The following CAMTA1 variants were observed in gnomAD, a reference collection of about 807,000 sequenced individuals.
CAMTA1 encodes the protein calmodulin-binding transcription activator 1.
In CAMTA1, 27 loss-of-function variants were observed where a neutral mutation model predicts 170.9. The observed-to-expected ratio is 0.16, with a 90% CI of 0.12 to 0.22. The LOEUF (loss-of-function observed/expected upper bound fraction) is 0.22, where lower values mean the gene tolerates loss of function less well. Ranked by LOEUF, CAMTA1 falls within the 10% of genes least tolerant of loss-of-function variation. The pLI, the probability that CAMTA1 is intolerant of heterozygous loss-of-function variation, is 1.00. For missense variants in CAMTA1, 1,619 were observed against 2,217.2 expected (o/e 0.73, Z 5.42); for synonymous variants, 833 against 891.5 (o/e 0.93, Z 1.17).
At chr1:7,543,060 G>T (rs1044045078) in intron 6 of CAMTA1, among the ~76,000 whole-genome samples, 1 of 151,970 alleles carries the variant, frequency 6.6e-6, no homozygotes, top group African/African-American at 2.4e-5. Context: ...GTGGAGACAG[G>T]GTTTCACCGT....
At chr1:6,980,743 C>T (rs11120802) in intron 3 of CAMTA1, among the ~76,000 whole-genome samples, 21,221 of 152,190 alleles carry the variant, frequency 0.14, 1,589 homozygotes, top group Non-Finnish European at 0.18. Context: ...TGCCACCATG[C>T]GAGATGTGAC....
chr1:6,830,043 A>ATT, intron 3 of CAMTA1, among the ~76,000 whole-genome samples: 1 of 141,336 alleles, frequency 7.1e-6, no homozygotes, highest in African/African-American at 2.6e-5. Context: ...TTTATTTTTT[A>ATT]TTTTTTTTTT....
intron 3 of CAMTA1, among the ~76,000 whole-genome samples, chr1:6,836,611 G>A (rs540373378): frequency 6.5e-4 from 99 of 152,256 alleles, no homozygotes; most frequent in Non-Finnish European, 1.1e-3. Flanking sequence ...GTGCATGTGC[G>A]CGTATGTGCA....
In CAMTA1 at chr1:7,266,985, C is replaced by A. The variant is rs140976255; in HGVS notation, c.438+17359C>A. On this transcript the variant is annotated intron_variant, in intron 5 of 22. Coordinates refer to ENST00000303635, the MANE Select transcript of CAMTA1 (RefSeq NM_015215.4). ...TGTCATGAGAAGCCACTGATGGGATCGTAGCAGGGGTCTGGAAGGCAGTGG... is the reference window on the plus strand; with the variant it reads ...TGTCATGAGAAGCCACTGATGGGATAGTAGCAGGGGTCTGGAAGGCAGTGG... 2.2e-3 allele frequency among the ~76,000 whole-genome samples: 339 copies of A among 152,254 alleles called. 2 individuals carry two copies. The highest frequency in any genetic ancestry group is 7.7e-3 in the African/African-American group (320 of 41,566).
chr1:7,292,099 T>C (rs1673220330), intron 5 of CAMTA1, among the ~76,000 whole-genome samples: 1 of 152,174 alleles, frequency 6.6e-6, no homozygotes, highest in African/African-American at 2.4e-5. Flanking sequence ...AATCCATTTA[T>C]AGAAACCAAA....
chr1:7,699,231 T>C (rs1216117460), intron 11 of CAMTA1, among the ~76,000 whole-genome samples: 1 of 152,034 alleles, frequency 6.6e-6, no homozygotes, highest in African/African-American at 2.4e-5. Context: ...AACATTTTCA[T>C]CCCCCAAGAA....
At chr1:7,404,727 G>A (rs1004072210) in intron 5 of CAMTA1, among the ~76,000 whole-genome samples, 11 of 152,236 alleles carry the variant, frequency 7.2e-5, no homozygotes, top group South Asian at 2.1e-4. Context: ...CACCAGAGCC[G>A]CCTACGGGAA....
At chr1:7,654,216 A>C (rs2149057124) in intron 7 of CAMTA1, among the ~76,000 whole-genome samples, 1 of 151,842 alleles carries the variant, frequency 6.6e-6, no homozygotes, top group African/African-American at 2.4e-5. Flanking sequence ...CCCTGTCTCT[A>C]CTAAAAATAC....
In CAMTA1 at chr1:6,910,511, C is replaced by A. The variant is rs546722403; in HGVS notation, c.234+85301C>A. 7.2e-5 allele frequency among the ~76,000 whole-genome samples: 11 copies of A among 152,198 alleles called. No individual in the cohort carries two copies. In the South Asian group the frequency reaches 2.3e-3, roughly 32 times the overall value. ...GGCTCAGCTCATTTTTTGAGGGGAG[C>A]AGGGTGGGGAGGGAAATGCTGGTCT... On this transcript the variant is annotated intron_variant, in intron 3 of 22. Transcript: ENST00000303635.
chr1:7,291,597 T>C (rs902636531), intron 5 of CAMTA1, among the ~76,000 whole-genome samples: 1 of 152,274 alleles, frequency 6.6e-6, no homozygotes, highest in Admixed American at 6.5e-5. Context: ...CTCTGGGTGT[T>C]GCTTCAGCTG....
intron 6 of CAMTA1, among the ~76,000 whole-genome samples, chr1:7,492,652 CAA>C (rs1487619028): frequency 7.3e-4 from 90 of 123,948 alleles, no homozygotes; most frequent in African/African-American, 3.1e-3. Context: ...TACAATCACA[CAA>C]ACACAAACAT....
At chr1:7,552,268 C>T (rs868651591) in intron 6 of CAMTA1, among the ~76,000 whole-genome samples, 34 of 152,338 alleles carry the variant, frequency 2.2e-4, no homozygotes, top group Admixed American at 5.9e-4. Flanking sequence ...ATCTCTGGAC[C>T]GCCAAGTCCC....
chr1:6,989,135 C>G (rs1230650849), intron 3 of CAMTA1, among the ~76,000 whole-genome samples: 2 of 152,146 alleles, frequency 1.3e-5, no homozygotes, highest in Admixed American at 6.5e-5. Context: ...GAGCCATCTC[C>G]CACCTCCACC....
chr1:6,879,656 C>T (rs1670927569), intron 3 of CAMTA1, among the ~76,000 whole-genome samples: 1 of 150,670 alleles, frequency 6.6e-6, no homozygotes, highest in Non-Finnish European at 1.5e-5. Flanking sequence ...CTCTGTCACC[C>T]AGATGAAGAA....
intron 3 of CAMTA1, among the ~76,000 whole-genome samples, chr1:6,860,137 T>C (rs1460027906): frequency 6.6e-6 from 1 of 152,212 alleles, no homozygotes; most frequent in African/African-American, 2.4e-5. Flanking sequence ...TAGTCATCTG[T>C]ATTTCAGTCT....
Position 7,456,864 on chromosome 1 carries a change from G to A in CAMTA1, c.439-10966G>A, listed in dbSNP as rs888793917. On this transcript the variant is annotated intron_variant, in intron 5 of 22. Coordinates refer to ENST00000303635, the MANE Select transcript of CAMTA1 (RefSeq NM_015215.4). The surrounding 1 kb of genome is among the most constrained non-coding windows in gnomAD (Gnocchi z 4.9). ...GGTGAGAGTGGCCAGGTTCCTGGAC[G>A]TGACCCTAAGCAGCAGGCGCTAGAG... 8.5e-5 allele frequency among the ~76,000 whole-genome samples: 13 copies of A among 152,180 alleles called. No individual in the cohort carries two copies. Among genetic ancestry groups the A allele is most frequent in the African/African-American group, 2.9e-4 (12 of 41,448 alleles).
At chr1:6,871,898 A>G in intron 3 of CAMTA1, 8 of 1,392,412 alleles carry the variant, frequency 5.7e-6, no homozygotes, top group Non-Finnish European at 7.4e-6. Context: ...ACAAGCTGTA[A>G]CATTTCATCT....
At chr1:7,520,685 A>T (rs555254663) in intron 6 of CAMTA1, among the ~76,000 whole-genome samples, 167 of 152,074 alleles carry the variant, frequency 1.1e-3, no homozygotes, top group African/African-American at 4.0e-3. Context: ...GCGGTGGGGA[A>T]CCTTCTCTCA....
At chr1:7,221,442 T>C (rs1319908982) in intron 4 of CAMTA1, among the ~76,000 whole-genome samples, 1 of 152,166 alleles carries the variant, frequency 6.6e-6, no homozygotes, top group Non-Finnish European at 1.5e-5. Flanking sequence ...TGGGTTTCCA[T>C]AGTGTGCATT....
Sources: gnomAD v4.1 joint callset for allele counts (sites outside exome capture counted in the v4.1 genomes callset) on GRCh38, gnomAD v4.1.1 for gene constraint, Gnocchi (gnomAD v3.1) non-coding constraint, MANE v1.5 for transcripts, NCBI Gene and HGNC (gene_info 2026-07-23, HGNC 2026-07-21) for gene names.